The following CDKL5 variants were observed in gnomAD, a reference collection of about 807,000 sequenced individuals.
CDKL5 encodes the protein cyclin dependent kinase like 5.
Under a neutral mutation model 61.7 loss-of-function variants are expected in CDKL5, and 8 were observed. The observed-to-expected ratio is 0.13, with a 90% CI of 0.08 to 0.23. The LOEUF is 0.23. CDKL5 is among the 10% of genes least tolerant of loss of function. The pLI is 1.00. For synonymous variants in CDKL5, 275 were observed against 272.3 expected (o/e 1.01, Z -0.10); for missense variants, 440 against 734.5 (o/e 0.60, Z 4.63).
intron 20 of CDKL5, chrX:18,646,152 C>CT (rs971139221): frequency 6.1e-4 from 690 of 1,124,087 alleles, no homozygotes; most frequent in East Asian, 1.1e-3. Context: ...CTGAATGAAA[C>CT]TTTTTTTTTT....
chrX:18,619,668 G>A (rs1926828434), intron 15 of CDKL5, among the ~76,000 whole-genome samples, 199 bp from the exon 16 acceptor site: 1 of 111,863 alleles, frequency 8.9e-6, no homozygotes, highest in African/African-American at 3.2e-5. Context: ...GAGTGAGCCT[G>A]TGCCAGAGGA....
chrX:18,615,180 T>A (rs984318680), intron 15 of CDKL5, among the ~76,000 whole-genome samples: 1 of 112,078 alleles, frequency 8.9e-6, no homozygotes, highest in African/African-American at 3.2e-5. Context: ...AGTGATGAAC[T>A]GGCTCTATTC....
Position 18,635,499 on chromosome X carries a change from G to A in CDKL5, c.*6742G>A, listed in dbSNP as rs745822609. ...CTTCTTGGGAAGAAAGAATGCATTC[G>A]AATTCAAATGAGGGATGATGGGCCT... On this transcript the variant is annotated 3_prime_UTR_variant, in exon 18 of 18. Transcript: ENST00000623535. 1.9e-4 allele frequency: 145 copies of A among 752,837 alleles called. No homozygotes were observed. In the African/African-American group the frequency reaches 2.2e-3, roughly 11 times the overall value. The allele number at this position is 752,837 out of a possible 1,213,427, so 62.0% of individuals were successfully genotyped here.
chrX:18,540,978 C>T (rs779811931), intron 3 of CDKL5, among the ~76,000 whole-genome samples: 8 of 112,134 alleles, frequency 7.1e-5, no homozygotes, highest in African/African-American at 9.7e-5. Flanking sequence ...TGAGCTACCA[C>T]GCCCGGCCGA....
intron 3 of CDKL5, among the ~76,000 whole-genome samples, chrX:18,518,414 T>G: frequency 1.4e-5 from 1 of 72,566 alleles, no homozygotes; most frequent in Non-Finnish European, 2.6e-5. Flanking sequence ...TTTTTTTTTT[T>G]TTTTTTTTTG....
chrX:18,544,991 G>A (rs750709367), intron 3 of CDKL5, among the ~76,000 whole-genome samples: 10 of 111,400 alleles, frequency 9.0e-5, no homozygotes, highest in Non-Finnish European at 1.7e-4. Flanking sequence ...ACTGTGGGAG[G>A]CCAAGGCGGG....
At chrX:18,627,377 G>A (rs1350102529) in intron 17 of CDKL5, 3 of 112,029 alleles carry the variant, frequency 2.7e-5, no homozygotes, top group Non-Finnish European at 5.6e-5. Flanking sequence ...GGTACTCTGA[G>A]AATTGGCCCC....
intron 1 of CDKL5, among the ~76,000 whole-genome samples, chrX:18,494,945 T>G (rs1219672837): frequency 9.0e-6 from 1 of 111,205 alleles, no homozygotes; most frequent in Non-Finnish European, 1.9e-5. Flanking sequence ...TAAGTAGGAG[T>G]GCTTCATCTC....
chrX:18,578,622 A>C (rs774842847), intron 5 of CDKL5, among the ~76,000 whole-genome samples: 7 of 112,694 alleles, frequency 6.2e-5, no homozygotes, highest in Non-Finnish European at 1.1e-4. Flanking sequence ...AACATAGATA[A>C]GTTTGTATGT....
chrX:18,635,235 A>G lies in CDKL5; in HGVS notation c.*6478A>G, dbSNP rs1927349590. 1 of 746,975 alleles carries G rather than the reference A, an allele frequency of 1.3e-6. No homozygotes were observed. Among genetic ancestry groups the G allele is most frequent in the Admixed American group, 8.9e-5 (1 of 11,179 alleles). 61.6% of individuals were successfully genotyped at this position (746,975 alleles called of 1,213,427 possible). ...TTTCTGGCATGTAATTCCATTCTAA[A>G]CTTATGTAAAATTTCTATTGTTGCT... On this transcript the variant is annotated 3_prime_UTR_variant, in exon 18 of 18. Transcript: ENST00000623535.
At chrX:18,537,921 C>A (rs951080249) in intron 3 of CDKL5, among the ~76,000 whole-genome samples, 10 of 111,604 alleles carry the variant, frequency 9.0e-5, no homozygotes, top group African/African-American at 3.3e-4. Flanking sequence ...ATCTTTAGAT[C>A]ATTTCCAGTT....
chrX:18,428,351 T>C (rs1001707837), intron 1 of CDKL5, among the ~76,000 whole-genome samples: 2 of 112,415 alleles, frequency 1.8e-5, no homozygotes, highest in African/African-American at 3.2e-5. Flanking sequence ...AGAAATTGGC[T>C]GTAAGAAATT....
intron 1 of CDKL5, among the ~76,000 whole-genome samples, chrX:18,460,315 T>A (rs1235394975): frequency 9.1e-6 from 1 of 110,402 alleles, no homozygotes; most frequent in East Asian, 2.9e-4. Context: ...CCAGGTCTTT[T>A]GAGAACTCAG....
chrX:18,561,612 A>G (rs960687880), intron 3 of CDKL5, among the ~76,000 whole-genome samples: 1 of 111,206 alleles, frequency 9.0e-6, no homozygotes, highest in Non-Finnish European at 1.9e-5. Flanking sequence ...TGGTTCTGAC[A>G]TAAGAACAAA....
chrX:18,475,359 A>G (rs1921268508), intron 1 of CDKL5, among the ~76,000 whole-genome samples: 2 of 110,295 alleles, frequency 1.8e-5, no homozygotes, highest in Non-Finnish European at 1.9e-5. Flanking sequence ...TAGTGGCACA[A>G]TCACGGCTCA....
At chrX:18,651,636 C>T (rs1038305843) in intron 21 of CDKL5, among the ~76,000 whole-genome samples, 13 of 111,280 alleles carry the variant, frequency 1.2e-4, no homozygotes, top group African/African-American at 2.0e-4. Context: ...AGCCTGCCCT[C>T]GCAAGCTCGT....
rs1247343591 is a variant in CDKL5 at position 18,460,103 on chromosome X, G to A, written c.-163+34408G>A. On this transcript the variant is annotated intron_variant, in intron 1 of 17. Coordinates refer to ENST00000623535, the MANE Select transcript of CDKL5 (RefSeq NM_001323289.2). ...TTTAGTAGAGATGGGGCTTCACCAT[G>A]TTGGCCAGGATGGTCTCGATCTCTT... Among the ~76,000 whole-genome samples, 11 of 110,906 alleles carry A rather than the reference G, an allele frequency of 9.9e-5. No homozygotes were observed. The Admixed American group carries it at 1.1e-3, about 11-fold the overall frequency.
chrX:18,597,945 A>T (rs2147155683), intron 10 of CDKL5, among the ~76,000 whole-genome samples: 1 of 111,170 alleles, frequency 9.0e-6, no homozygotes, highest in South Asian at 3.8e-4. Context: ...AGCTAAATTC[A>T]GGCAATTATG....
At chrX:18,566,041 A>T (rs747591864) in intron 4 of CDKL5, among the ~76,000 whole-genome samples, 34 of 112,343 alleles carry the variant, frequency 3.0e-4, no homozygotes, top group Middle Eastern at 4.6e-3. Flanking sequence ...ATGCATGTAA[A>T]GGCTTCTGGC....
Sources: allele counts gnomAD v4.1 joint callset (sites outside exome capture counted in the v4.1 genomes callset), GRCh38; gene constraint gnomAD v4.1.1; transcripts MANE v1.5; gene names NCBI Gene and HGNC (gene_info 2026-07-23, HGNC 2026-07-21).